PCDH15: variants seen among roughly 807,000 people sequenced by gnomAD.
The protein encoded by PCDH15 is protocadherin related 15, also known as protocadherin-15.
A neutral mutation model predicts 178.5 loss-of-function variants in PCDH15; 129 were observed. The ratio of observed to expected loss-of-function variants is 0.72; its 90% CI spans 0.63 to 0.84. PCDH15 has a LOEUF of 0.84. PCDH15 is among the 40% of genes least tolerant of loss of function. The pLI is 0.00. For synonymous variants in PCDH15, 800 were observed against 732.0 expected, an observed-to-expected ratio of 1.09 and a Z score of -1.50; for missense variants, 2,230 against 2,099.9, an observed-to-expected ratio of 1.06 and a Z score of -1.21.
chr10:55,587,425 C>T (rs540248839), intron 2 of PCDH15, among the ~76,000 whole-genome samples: 239 of 60,832 alleles, frequency 3.9e-3, no homozygotes, highest in African/African-American at 0.036. Flanking sequence ...GGCACTGGTA[C>T]GGAAAAATAT....
At chr10:54,138,410 G>A (rs2043083666) in intron 14 of PCDH15, among the ~76,000 whole-genome samples, 1 of 152,158 alleles carries the variant, frequency 6.6e-6, no homozygotes, top group Non-Finnish European at 1.5e-5. Flanking sequence ...GATGCTCTTA[G>A]GGCTCGTTTA....
intron 3 of PCDH15, among the ~76,000 whole-genome samples, chr10:54,478,151 C>T (rs2078418921): frequency 6.6e-6 from 1 of 152,118 alleles, no homozygotes; most frequent in African/African-American, 2.4e-5. Context: ...CTCCACTGCT[C>T]ACTCAAAGCT....
intron 20 of PCDH15, among the ~76,000 whole-genome samples, chr10:54,015,388 A>AAAACC (rs55989507): frequency 0.76 from 114,773 of 151,606 alleles, 43,673 homozygotes; most frequent in Middle Eastern, 0.86. Flanking sequence ...CATTATTCAC[A>AAAACC]AGAAAAATGT....
chr10:54,878,913 C>T (rs1188399233), intron 3 of PCDH15, among the ~76,000 whole-genome samples: 2 of 152,098 alleles, frequency 1.3e-5, no homozygotes, highest in African/African-American at 4.8e-5. Context: ...TATGTGAGAT[C>T]ATGCAGTGTT....
At chr10:54,692,905 CAAT>C (rs948192715) in intron 1 of PCDH15, among the ~76,000 whole-genome samples, 144 of 152,022 alleles carry the variant, frequency 9.5e-4, no homozygotes, top group African/African-American at 3.3e-3. Context: ...AAAACAACAA[CAAT>C]AACAACAACA....
chr10:54,136,275 C>A (rs1375272503), intron 14 of PCDH15, among the ~76,000 whole-genome samples: 1 of 152,070 alleles, frequency 6.6e-6, no homozygotes, highest in East Asian at 1.9e-4. Context: ...GCTTCAGAAT[C>A]TCATGAAAAG....
At chr10:54,690,941 T>C (rs2095110163) in intron 1 of PCDH15, among the ~76,000 whole-genome samples, 1 of 152,272 alleles carries the variant, frequency 6.6e-6, no homozygotes, top group South Asian at 2.1e-4. Context: ...GGAGTTCCTC[T>C]GAGCAGGTGA....
chr10:54,063,882 C>T (rs1219081813), intron 18 of PCDH15, among the ~76,000 whole-genome samples: 2 of 152,164 alleles, frequency 1.3e-5, no homozygotes, highest in East Asian at 1.9e-4. Flanking sequence ...TGTGAGCACC[C>T]GCGTCTGGAT....
At chr10:54,556,237 G>T (rs975233871) in intron 2 of PCDH15, among the ~76,000 whole-genome samples, 4 of 152,060 alleles carry the variant, frequency 2.6e-5, no homozygotes, top group African/African-American at 9.7e-5. Context: ...GTCCCTTTTA[G>T]ATCATAATAG....
At chr10:54,931,878 T>C (rs532447934) in intron 2 of PCDH15, among the ~76,000 whole-genome samples, 1 of 152,288 alleles carries the variant, frequency 6.6e-6, no homozygotes, top group African/African-American at 2.4e-5. Context: ...TTCAGAATCA[T>C]TAAGTAAAGA....
At chr10:54,000,603 C>A (rs2092085658) in intron 20 of PCDH15, among the ~76,000 whole-genome samples, 1 of 151,414 alleles carries the variant, frequency 6.6e-6, no homozygotes, top group South Asian at 2.1e-4. Flanking sequence ...AATTAGTGAG[C>A]TTGAAGACAG....
chr10:54,832,249 A>T (rs1328476981), intron 3 of PCDH15, among the ~76,000 whole-genome samples: 1 of 152,146 alleles, frequency 6.6e-6, no homozygotes, highest in African/African-American at 2.4e-5. Flanking sequence ...TAATATTCCG[A>T]TACTGCCCAT....
At chr10:55,168,722 G>A (rs1839257544) in intron 1 of PCDH15, among the ~76,000 whole-genome samples, 1 of 152,026 alleles carries the variant, frequency 6.6e-6, no homozygotes, top group African/African-American at 2.4e-5. Context: ...TTCAGGTCAG[G>A]GGATAAAAGA....
chr10:53,840,820 A>G (rs2077598817), intron 28 of PCDH15, among the ~76,000 whole-genome samples: 2 of 152,184 alleles, frequency 1.3e-5, no homozygotes, highest in African/African-American at 2.4e-5. Context: ...TCTATGCTTT[A>G]TAGGAGGCAT....
At chr10:54,602,329 ACTTTT>A in intron 2 of PCDH15, among the ~76,000 whole-genome samples, 1 of 151,852 alleles carries the variant, frequency 6.6e-6, no homozygotes, top group Non-Finnish European at 1.5e-5. Flanking sequence ...AATGCCACTT[ACTTTT>A]ATTTAGAGCA....
chr10:54,432,047 G>A (rs1158603554), intron 3 of PCDH15, among the ~76,000 whole-genome samples: 1 of 151,820 alleles, frequency 6.6e-6, no homozygotes, highest in Non-Finnish European at 1.5e-5. Flanking sequence ...AACTACAAAA[G>A]ACTGATGAAA....
intron 13 of PCDH15, among the ~76,000 whole-genome samples, chr10:54,181,989 C>G (rs2048024867): frequency 6.6e-6 from 1 of 152,102 alleles, no homozygotes. Context: ...GACGGAGTCT[C>G]TCTCTGTCCC....
At chr10:55,070,405 G>C (rs1841702163) in intron 2 of PCDH15, among the ~76,000 whole-genome samples, 1 of 151,734 alleles carries the variant, frequency 6.6e-6, no homozygotes, top group South Asian at 2.1e-4. Flanking sequence ...GGTTTTTATG[G>C]TTTTAGGTCT....
At chr10:55,458,247 C>A (rs1839597091) in intron 2 of PCDH15, among the ~76,000 whole-genome samples, 1 of 151,940 alleles carries the variant, frequency 6.6e-6, no homozygotes, top group Non-Finnish European at 1.5e-5. Flanking sequence ...AATATCTTCT[C>A]CCTTTTAAAT....
Sources: gnomAD v4.1 joint callset for allele counts (sites outside exome capture counted in the v4.1 genomes callset) on GRCh38, gnomAD v4.1.1 for gene constraint, MANE v1.5 for transcripts, NCBI Gene and HGNC (gene_info 2026-07-23, HGNC 2026-07-21) for gene names.